Variants in CDKAL1 observed in about 807,000 individuals in gnomAD.
CDKAL1 encodes threonylcarbamoyladenosine tRNA methylthiotransferase.
CDKAL1 carries 32 observed loss-of-function variants against 68.2 expected under a neutral mutation model. The observed-to-expected ratio is 0.47, with a 90% CI of 0.35 to 0.63. The LOEUF (loss-of-function observed/expected upper bound fraction) is 0.63, where lower values mean the gene tolerates loss of function less well. Ranked by LOEUF, CDKAL1 falls within the 30% of genes least tolerant of loss-of-function variation. The pLI is 0.00. For synonymous variants in CDKAL1, 234 were observed against 244.3 expected, an observed-to-expected ratio of 0.96 and a Z score of 0.39; for missense variants, 606 against 696.7, an observed-to-expected ratio of 0.87 and a Z score of 1.47.
At chr6:20,814,808 A>C (rs184911450) in intron 8 of CDKAL1, among the ~76,000 whole-genome samples, 1 of 152,178 alleles carries the variant, frequency 6.6e-6, no homozygotes, top group Non-Finnish European at 1.5e-5. Flanking sequence ...GAGCCTTTCT[A>C]TCATTCTCCA....
intron 4 of CDKAL1, among the ~76,000 whole-genome samples, chr6:20,625,941 T>C (rs1767412023): frequency 6.6e-6 from 1 of 152,184 alleles, no homozygotes; most frequent in African/African-American, 2.4e-5. Flanking sequence ...AAGATCTGCC[T>C]TTCTTGTGAT....
At chr6:21,008,889 A>G (rs189868573) in intron 11 of CDKAL1, among the ~76,000 whole-genome samples, 1 of 152,328 alleles carries the variant, frequency 6.6e-6, no homozygotes, top group African/African-American at 2.4e-5. Context: ...AGACAAGAAA[A>G]TCCTCTTCTC....
chr6:20,846,222 A>T, intron 9 of CDKAL1, 44 bp downstream of exon 9: 1 of 1,235,846 alleles, frequency 8.1e-7, no homozygotes, highest in Non-Finnish European at 1.2e-6. Flanking sequence ...CTTCTTAATA[A>T]ATTATGTTAG....
At chr6:21,223,502 T>TG (rs956711752) in intron 15 of CDKAL1, among the ~76,000 whole-genome samples, 3 of 152,244 alleles carry the variant, frequency 2.0e-5, no homozygotes, top group African/African-American at 7.2e-5. Context: ...CTTGTGCTTC[T>TG]GGTTCTCCAG....
rs1406146532 is a variant in CDKAL1, at chr6:21,138,756, A to G, written c.1299+30293A>G. Among the ~76,000 whole-genome samples, 14 of 152,184 alleles carry G rather than the reference A, an allele frequency of 9.2e-5. No homozygotes were observed. In the East Asian group the frequency reaches 2.5e-3, roughly 27 times the overall value. On this transcript the variant is annotated intron_variant, in intron 13 of 15. Transcript: ENST00000274695. Reference sequence around the variant, plus strand: ...TCTTTCAATGGCAATTGAAAAAAAAATACATTACCATAAGACTTAAGCACC... The same window carrying G: ...TCTTTCAATGGCAATTGAAAAAAAAGTACATTACCATAAGACTTAAGCACC...
At chr6:21,101,793 T>C (rs1177388716) in intron 12 of CDKAL1, among the ~76,000 whole-genome samples, 1 of 152,080 alleles carries the variant, frequency 6.6e-6, no homozygotes, top group East Asian at 1.9e-4. Flanking sequence ...ACTTCTCCTG[T>C]TTGGTTATCT....
chr6:20,912,157 T>A (rs1762496011), intron 9 of CDKAL1, among the ~76,000 whole-genome samples: 4 of 152,228 alleles, frequency 2.6e-5, no homozygotes, highest in Admixed American at 2.6e-4. Context: ...TTTGTTTTTT[T>A]ACCAATTTTA....
intron 9 of CDKAL1, among the ~76,000 whole-genome samples, chr6:20,854,048 G>A (rs1425648476): frequency 6.6e-6 from 1 of 152,186 alleles, no homozygotes; most frequent in African/African-American, 2.4e-5. Flanking sequence ...GACATTTATG[G>A]AGTACTTACA....
intron 13 of CDKAL1, among the ~76,000 whole-genome samples, chr6:21,185,753 A>G (rs1385646665): frequency 6.6e-6 from 1 of 152,212 alleles, no homozygotes; most frequent in Non-Finnish European, 1.5e-5. Context: ...TAAGGGAGAA[A>G]TAGAATAGGT....
At chr6:20,668,200 C>T (rs2127777671) in intron 5 of CDKAL1, among the ~76,000 whole-genome samples, 1 of 152,046 alleles carries the variant, frequency 6.6e-6, no homozygotes, top group South Asian at 2.1e-4. Context: ...TGTTTGTTCT[C>T]TTATTTATGG....
intron 11 of CDKAL1, 132 bp from the exon 12 acceptor site, chr6:21,064,916 G>T: frequency 1.9e-6 from 1 of 535,526 alleles, no homozygotes. Context: ...AGGACTCTTT[G>T]AAACTATTTG....
At chr6:20,830,021 A>G (rs573579952) in intron 8 of CDKAL1, among the ~76,000 whole-genome samples, 1 of 152,266 alleles carries the variant, frequency 6.6e-6, no homozygotes, top group South Asian at 2.1e-4. Context: ...ACAGCTGGCT[A>G]ACTTTTGTAT....
At chr6:20,580,561 T>C (rs1370154108) in intron 4 of CDKAL1, among the ~76,000 whole-genome samples, 1 of 152,158 alleles carries the variant, frequency 6.6e-6, no homozygotes, top group African/African-American at 2.4e-5. Context: ...TGCCCCTGTG[T>C]CCTTCATGGA....
At chr6:20,645,855 T>G (rs1320779206) in intron 4 of CDKAL1, among the ~76,000 whole-genome samples, 1 of 151,756 alleles carries the variant, frequency 6.6e-6, no homozygotes, top group Admixed American at 6.6e-5. Context: ...GACAGAAACA[T>G]ACACATGAGC....
intron 5 of CDKAL1, among the ~76,000 whole-genome samples, chr6:20,732,385 C>T (rs1430960087): frequency 2.0e-5 from 3 of 149,876 alleles, no homozygotes; most frequent in African/African-American, 7.4e-5. Flanking sequence ...AAGCGATTCT[C>T]CTGCCTCAGC....
intron 9 of CDKAL1, among the ~76,000 whole-genome samples, chr6:20,953,438 A>G (rs1764633446): frequency 6.6e-6 from 1 of 152,240 alleles, no homozygotes; most frequent in Non-Finnish European, 1.5e-5. Context: ...ATTTTAAAAT[A>G]TTCATATTGT....
chr6:20,990,832 G>T (rs1310230186), intron 10 of CDKAL1, among the ~76,000 whole-genome samples: 1 of 152,206 alleles, frequency 6.6e-6, no homozygotes, highest in African/African-American at 2.4e-5. Context: ...GGATTTCCTA[G>T]AACACTGGCA....
intron 9 of CDKAL1, among the ~76,000 whole-genome samples, chr6:20,949,526 T>C (rs914344350): frequency 2.0e-5 from 3 of 152,290 alleles, no homozygotes; most frequent in Non-Finnish European, 2.9e-5. Context: ...TCTGTGCATC[T>C]CTTTTTTTTA....
At chr6:21,012,976 C>G (rs1768105576) in intron 11 of CDKAL1, among the ~76,000 whole-genome samples, 1 of 152,178 alleles carries the variant, frequency 6.6e-6, no homozygotes, top group Admixed American at 6.5e-5. Flanking sequence ...AGGCAAAGGT[C>G]TTAACTGGAC....
Sources: allele counts gnomAD v4.1 joint callset (sites outside exome capture counted in the v4.1 genomes callset), GRCh38; gene constraint gnomAD v4.1.1; transcripts MANE v1.5; gene names NCBI Gene and HGNC (gene_info 2026-07-23, HGNC 2026-07-21).